The following KCNB2 variants were observed in gnomAD, a reference collection of about 807,000 sequenced individuals.
KCNB2 encodes the protein potassium voltage-gated channel subfamily B member 2.
In KCNB2, 15 loss-of-function variants were observed where a neutral mutation model predicts 61.5. The observed-to-expected ratio is 0.24, with a 90% CI of 0.16 to 0.38. The LOEUF is 0.38. Ranked by LOEUF, KCNB2 falls within the 10% of genes least tolerant of loss-of-function variation. KCNB2 has a pLI of 1.00. For synonymous variants in KCNB2, 457 were observed against 446.0 expected, an observed-to-expected ratio of 1.02 and a Z score of -0.31; for missense variants, 828 against 1,125.2, an observed-to-expected ratio of 0.74 and a Z score of 3.78.
chr8:72,851,845 A>AAAAAAAAAAAAAAAC (rs1563404693), intron 2 of KCNB2, among the ~76,000 whole-genome samples: 3 of 147,912 alleles, frequency 2.0e-5, no homozygotes, highest in African/African-American at 7.6e-5. Context: ...AAAAAAAAAA[A>AAAAAAAAAAAAAAAC]AAACACGTAC....
chr8:72,859,931 C>G (rs1810272866), intron 2 of KCNB2, among the ~76,000 whole-genome samples: 1 of 79,708 alleles, frequency 1.3e-5, no homozygotes, highest in African/African-American at 4.0e-5. Context: ...GTTCGTCAGC[C>G]TGGTCTCAAA....
chr8:72,892,644 C>T (rs1805916912), intron 2 of KCNB2, among the ~76,000 whole-genome samples: 2 of 152,162 alleles, frequency 1.3e-5, no homozygotes, highest in Admixed American at 1.3e-4. Flanking sequence ...GTTTATGTCC[C>T]TGCAAACTGG....
intron 2 of KCNB2, among the ~76,000 whole-genome samples, chr8:72,710,414 C>T (rs1321723291): frequency 6.6e-6 from 1 of 151,994 alleles, no homozygotes; most frequent in African/African-American, 2.4e-5. Context: ...ACTAAAGACA[C>T]CAATTAGAGC....
intron 2 of KCNB2, among the ~76,000 whole-genome samples, chr8:72,754,801 A>G (rs937570719): frequency 3.3e-5 from 5 of 152,190 alleles, no homozygotes; most frequent in African/African-American, 1.2e-4. Flanking sequence ...TCAGTTGAAA[A>G]ATCAGCAAAT....
At chr8:72,883,335 G>C (rs1805749322) in intron 2 of KCNB2, among the ~76,000 whole-genome samples, 2 of 152,220 alleles carry the variant, frequency 1.3e-5, no homozygotes, top group Admixed American at 1.3e-4. Flanking sequence ...AGTCTCTGCA[G>C]AGGTTCCTGC....
chr8:72,935,732 G>T (rs943126750), intron 2 of KCNB2, among the ~76,000 whole-genome samples: 1 of 152,168 alleles, frequency 6.6e-6, no homozygotes, highest in African/African-American at 2.4e-5. Flanking sequence ...CGGAAGGGGG[G>T]AATGGAATTT....
chr8:72,907,078 G>A (rs974523529), intron 2 of KCNB2, among the ~76,000 whole-genome samples: 2 of 152,108 alleles, frequency 1.3e-5, no homozygotes, highest in Admixed American at 6.6e-5. Context: ...ACTATTTAAG[G>A]CTGTGCACGT....
chr8:72,833,836 C>T (rs1319139127), intron 2 of KCNB2, among the ~76,000 whole-genome samples: 3 of 152,124 alleles, frequency 2.0e-5, no homozygotes, highest in African/African-American at 7.2e-5. Flanking sequence ...TCAATTGACT[C>T]AGAATGAAGG....
intron 2 of KCNB2, among the ~76,000 whole-genome samples, chr8:72,895,669 G>T (rs139923169): frequency 1.3e-5 from 2 of 152,176 alleles, no homozygotes; most frequent in East Asian, 3.9e-4. Context: ...AAGAGGTGAG[G>T]ATGAGAGACG....
chr8:72,725,527 A>ATGTG (rs371929824), intron 2 of KCNB2, among the ~76,000 whole-genome samples: 16,013 of 86,166 alleles, frequency 0.19, 2,008 homozygotes, highest in Non-Finnish European at 0.28. Flanking sequence ...ATATATATAT[A>ATGTG]TATATATATA....
intron 2 of KCNB2, 27 bp from the exon 3 acceptor site, chr8:72,935,908 G>A: frequency 6.4e-7 from 1 of 1,559,702 alleles, no homozygotes; most frequent in South Asian, 1.1e-5. Flanking sequence ...AAGAGGATTT[G>A]CTGACTTGGA....
intron 1 of KCNB2, among the ~76,000 whole-genome samples, chr8:72,545,007 A>G (rs964704185): frequency 3.3e-5 from 5 of 152,168 alleles, no homozygotes; most frequent in Admixed American, 3.3e-4. Flanking sequence ...GCTACTTTCC[A>G]GTCATATTTC....
chr8:72,884,355 AGT>A (rs959641806), intron 2 of KCNB2, among the ~76,000 whole-genome samples: 7 of 151,658 alleles, frequency 4.6e-5, no homozygotes, highest in Non-Finnish European at 1.0e-4. Flanking sequence ...AACTTCTCCC[AGT>A]GTGTGTGTGT....
At chr8:72,700,691 A>G (rs1234105071) in intron 2 of KCNB2, among the ~76,000 whole-genome samples, 1 of 152,150 alleles carries the variant, frequency 6.6e-6, no homozygotes, top group East Asian at 1.9e-4. Context: ...TTCTCAAAGT[A>G]CTTAAAACAG....
At position 72,794,393 on chromosome 8, in the gene KCNB2, C is replaced by T. The variant is rs2128998949; in HGVS notation, c.580-141542C>T. ...CATCTTGGCCAACATGGTGAAACCC[C>T]GTCTCTACTAAAATACAAAAAATTA... is the stretch of plus-strand genomic sequence containing the variant. On this transcript the variant is annotated intron_variant, in intron 2 of 2. Transcript: ENST00000523207. Among the ~76,000 whole-genome samples the T allele has an allele frequency of 2.0e-5, 3 of 151,916 alleles. No individual in the cohort carries two copies. In the Middle Eastern group the frequency reaches 0.01, roughly 517 times the overall value.
At chr8:72,726,593 G>A (rs1285409493) in intron 2 of KCNB2, among the ~76,000 whole-genome samples, 4 of 152,036 alleles carry the variant, frequency 2.6e-5, no homozygotes, top group African/African-American at 4.8e-5. Flanking sequence ...ATACACATAC[G>A]ACATATCCAA....
rs1301280219 is a variant in KCNB2 at position 72,882,705 on chromosome 8, C to T, written c.580-53230C>T. On this transcript the variant is annotated intron_variant, in intron 2 of 2. Coordinates refer to ENST00000523207, the MANE Select transcript of KCNB2 (RefSeq NM_004770.3). ...TGCTAGCAGAAATCCTCAAGGAGCT[C>T]TAGAAATAGAATGAATAGGAAAAAG... is the stretch of plus-strand genomic sequence containing the variant. 9.6e-5 allele frequency among the ~76,000 whole-genome samples: 14 copies of T among 145,668 alleles called. No individual in the cohort carries two copies. The Admixed American group carries it at 9.9e-4, about 10-fold the overall frequency.
At chr8:72,717,517 C>T (rs1281721152) in intron 2 of KCNB2, among the ~76,000 whole-genome samples, 1 of 152,176 alleles carries the variant, frequency 6.6e-6, no homozygotes, top group Admixed American at 6.5e-5. Flanking sequence ...CGCAAATCTA[C>T]AAGTATTCGA....
In KCNB2 at chr8:72,701,480, T is replaced by C. The variant is rs144710136; in HGVS notation, c.579+133167T>C. On this transcript the variant is annotated intron_variant, in intron 2 of 2. Transcript: ENST00000523207. ...TCATTGCCCTGCTTTCCACAACATG[T>C]TGATACTGCAGAGATGCAGTATGAG... is the stretch of plus-strand genomic sequence containing the variant. Among the ~76,000 whole-genome samples, 887 of 152,342 alleles carry C rather than the reference T, an allele frequency of 5.8e-3. 11 individuals are homozygous for C. The Middle Eastern group carries it at 0.082, about 14-fold the overall frequency.
Sources: gnomAD v4.1 joint callset for allele counts (sites outside exome capture counted in the v4.1 genomes callset) on GRCh38, gnomAD v4.1.1 for gene constraint, MANE v1.5 for transcripts, NCBI Gene and HGNC (gene_info 2026-07-23, HGNC 2026-07-21) for gene names.